The following SYNPO2 variants were observed in gnomAD, a reference collection of about 807,000 sequenced individuals.
SYNPO2 encodes synaptopodin-2.
In SYNPO2, 56 loss-of-function variants were observed where a neutral mutation model predicts 85.0. The ratio of observed to expected loss-of-function variants is 0.66; its 90% CI spans 0.53 to 0.82. The LOEUF is 0.82. SYNPO2 is among the 40% of genes least tolerant of loss of function. The probability of loss-of-function intolerance (pLI) is 0.00; values close to 1 mark genes in which losing one functional copy is unlikely to be tolerated. For synonymous variants in SYNPO2, 602 were observed against 591.1 expected (o/e 1.02, Z -0.27); for missense variants, 1,575 against 1,534.2 (o/e 1.03, Z -0.44).
chr4:118,939,256 G>A (rs1040217852), intron 1 of SYNPO2, among the ~76,000 whole-genome samples: 8 of 152,156 alleles, frequency 5.3e-5, no homozygotes, highest in African/African-American at 1.9e-4. Flanking sequence ...CAGTTTAACC[G>A]TCGTGTCCTA....
At chr4:118,995,750 G>T (rs1381860002) in intron 1 of SYNPO2, among the ~76,000 whole-genome samples, 1 of 152,208 alleles carries the variant, frequency 6.6e-6, no homozygotes, top group East Asian at 1.9e-4. Flanking sequence ...GTTTAAAATT[G>T]AACATGTGGC....
intron 1 of SYNPO2, among the ~76,000 whole-genome samples, chr4:118,853,936 C>T (rs114223775): frequency 0.041 from 6,272 of 152,190 alleles, 198 homozygotes; most frequent in Non-Finnish European, 0.064. Flanking sequence ...TTGCAATAGC[C>T]ATTTTGTGAC....
chr4:118,869,026 G>A (rs1421146709), intron 1 of SYNPO2, among the ~76,000 whole-genome samples: 2 of 152,138 alleles, frequency 1.3e-5, no homozygotes, highest in Admixed American at 6.5e-5. Context: ...TGGTGGGGCT[G>A]AATGTTTATA....
At chr4:119,049,765 T>A (rs2149199796) in intron 4 of SYNPO2, among the ~76,000 whole-genome samples, 1 of 152,288 alleles carries the variant, frequency 6.6e-6, no homozygotes, top group South Asian at 2.1e-4. Flanking sequence ...CATGAGAAGA[T>A]GGTTTATGTT....
intron 1 of SYNPO2, among the ~76,000 whole-genome samples, chr4:118,879,093 A>G (rs1158547044): frequency 6.6e-6 from 1 of 152,060 alleles, no homozygotes; most frequent in Non-Finnish European, 1.5e-5. Flanking sequence ...GTGCCACTTC[A>G]CTCCTGAAGT....
chr4:119,037,268 C>T (rs1205001294), intron 4 of SYNPO2: 4 of 1,438,218 alleles, frequency 2.8e-6, no homozygotes, highest in Non-Finnish European at 2.8e-6. Context: ...TTCTTGGGCT[C>T]CTTAATAACT....
intron 4 of SYNPO2, chr4:119,035,020 G>T (rs189209939): frequency 1.0e-6 from 1 of 985,334 alleles, no homozygotes; most frequent in East Asian, 1.1e-4. Flanking sequence ...GAGCATCCAC[G>T]AAGTCGGTTT....
intron 1 of SYNPO2, among the ~76,000 whole-genome samples, chr4:118,951,900 A>T (rs900127784): frequency 1.3e-5 from 2 of 152,228 alleles, no homozygotes; most frequent in African/African-American, 4.8e-5. Context: ...TTAATATTTC[A>T]TCCCAGAATT....
chr4:118,950,034 G>C (rs1159542955), intron 1 of SYNPO2, among the ~76,000 whole-genome samples: 2 of 152,092 alleles, frequency 1.3e-5, no homozygotes, highest in Admixed American at 6.5e-5. Flanking sequence ...TTAAATAATT[G>C]TCAGATGCAT....
intron 4 of SYNPO2, chr4:119,034,755 C>T (rs760522166): frequency 2.1e-5 from 21 of 985,408 alleles, no homozygotes; most frequent in Non-Finnish European, 2.5e-5. Flanking sequence ...TCCCTGTCTG[C>T]CCACCAGGGG....
At chr4:118,987,643 G>GAAA (rs777269364) in intron 1 of SYNPO2, among the ~76,000 whole-genome samples, 1 of 119,404 alleles carries the variant, frequency 8.4e-6, no homozygotes, top group African/African-American at 3.0e-5. Context: ...CAGCCCACAT[G>GAAA]AAAAAAAAAA....
intron 1 of SYNPO2, among the ~76,000 whole-genome samples, chr4:118,995,440 C>G (rs1193967487): frequency 6.6e-6 from 1 of 152,100 alleles, no homozygotes. Context: ...TGTTATTCCT[C>G]TCAAAAACCC....
At chr4:118,980,540 A>G (rs1351321315) in intron 1 of SYNPO2, among the ~76,000 whole-genome samples, 1 of 152,182 alleles carries the variant, frequency 6.6e-6, no homozygotes, top group Non-Finnish European at 1.5e-5. Flanking sequence ...ACATGCCATC[A>G]TTCCACCGAC....
At chr4:118,918,472 C>A (rs1473108587) in intron 1 of SYNPO2, among the ~76,000 whole-genome samples, 1 of 152,132 alleles carries the variant, frequency 6.6e-6, no homozygotes, top group Non-Finnish European at 1.5e-5. Context: ...AGGGGTTTAT[C>A]ACTAGAAACA....
chr4:119,005,032 G>T (rs1247581535), intron 1 of SYNPO2, among the ~76,000 whole-genome samples: 6 of 152,084 alleles, frequency 3.9e-5, no homozygotes, highest in Non-Finnish European at 7.4e-5. Flanking sequence ...CTTCTTTTGA[G>T]AAATGTCTGT....
upstream of SYNPO2, among the ~76,000 whole-genome samples, chr4:118,887,349 C>A (rs751042016): frequency 2.6e-5 from 4 of 151,644 alleles, no homozygotes; most frequent in African/African-American, 7.3e-5. Flanking sequence ...AAATTATTTT[C>A]AAAAAAAATT....
At chr4:119,013,014 T>G (rs937332122) in intron 1 of SYNPO2, among the ~76,000 whole-genome samples, 2 of 152,182 alleles carry the variant, frequency 1.3e-5, no homozygotes, top group Non-Finnish European at 2.9e-5. Context: ...GATCAGTTAT[T>G]CTCAAAGTGT....
rs1004354661 is a variant in SYNPO2, at chr4:118,990,660, G to A, written c.106-32770G>A. 3.9e-5 allele frequency among the ~76,000 whole-genome samples: 6 copies of A among 152,200 alleles called. No homozygotes were observed. The East Asian group carries it at 7.7e-4, about 20-fold the overall frequency. ...ATCTCGCTCGGTCGCCCAGGCAGGA[G>A]TGCAGTGGCGCAATCTCAGCTAACT... On this transcript the variant is annotated intron_variant, in intron 1 of 4. Coordinates refer to ENST00000307142, the MANE Select transcript of SYNPO2 (RefSeq NM_133477.3).
chr4:118,856,603 C>T (rs1731510749), intron 1 of SYNPO2, among the ~76,000 whole-genome samples: 3 of 151,910 alleles, frequency 2.0e-5, no homozygotes, highest in Non-Finnish European at 2.9e-5. Flanking sequence ...CTCACTGCAG[C>T]CTCAATCTCA....
Sources: gnomAD v4.1 joint callset for allele counts (sites outside exome capture counted in the v4.1 genomes callset) on GRCh38, gnomAD v4.1.1 for gene constraint, MANE v1.5 for transcripts, NCBI Gene and HGNC (gene_info 2026-07-23, HGNC 2026-07-21) for gene names.